EPHA3: variants seen among roughly 807,000 people sequenced by gnomAD.
The protein encoded by EPHA3 is EPH receptor A3, also known as ephrin type-A receptor 3.
Under a neutral mutation model 107.1 loss-of-function variants are expected in EPHA3, and 42 were observed. The ratio of observed to expected loss-of-function variants is 0.39; its 90% CI spans 0.31 to 0.51. EPHA3 has a LOEUF of 0.51. EPHA3 is among the 20% of genes least tolerant of loss of function. The pLI, the probability that EPHA3 is intolerant of heterozygous loss-of-function variation, is 0.78. For missense variants in EPHA3, 1,183 were observed against 1,211.2 expected, an observed-to-expected ratio of 0.98 and a Z score of 0.35; for synonymous variants, 461 against 424.8, an observed-to-expected ratio of 1.09 and a Z score of -1.05.
chr3:89,283,976 A>G (rs1706010877), intron 3 of EPHA3, among the ~76,000 whole-genome samples: 1 of 152,146 alleles, frequency 6.6e-6, no homozygotes. Flanking sequence ...ATACAGAGAC[A>G]TTTGTGCAGT....
At chr3:89,164,036 T>C (rs1196357282) in intron 2 of EPHA3, among the ~76,000 whole-genome samples, 1 of 152,144 alleles carries the variant, frequency 6.6e-6, no homozygotes, top group African/African-American at 2.4e-5. Flanking sequence ...TTCAAGGGAA[T>C]AGAAACATCT....
At chr3:89,197,838 G>T (rs1364878608) in intron 2 of EPHA3, among the ~76,000 whole-genome samples, 1 of 152,004 alleles carries the variant, frequency 6.6e-6, no homozygotes, top group East Asian at 1.9e-4. Context: ...TTAGCCTGGT[G>T]TGGTGGTGTG....
intron 1 of EPHA3, among the ~76,000 whole-genome samples, chr3:89,115,508 T>A (rs1707231501): frequency 1.3e-5 from 2 of 152,154 alleles, no homozygotes; most frequent in African/African-American, 4.8e-5. Flanking sequence ...GGGTGGATGA[T>A]CCTGATGTTT....
At chr3:89,333,053 C>T (rs1312812670) in intron 3 of EPHA3, among the ~76,000 whole-genome samples, 2 of 152,096 alleles carry the variant, frequency 1.3e-5, no homozygotes, top group African/African-American at 4.8e-5. Flanking sequence ...TTTACCCATT[C>T]CCTGTATCAG....
At chr3:89,467,167 A>G (rs1710297951) in intron 15 of EPHA3, among the ~76,000 whole-genome samples, 1 of 152,202 alleles carries the variant, frequency 6.6e-6, no homozygotes, top group East Asian at 1.9e-4. Context: ...ATTGGCAAAT[A>G]TAAGATTTTC....
intron 3 of EPHA3, among the ~76,000 whole-genome samples, chr3:89,314,038 A>G (rs1322590274): frequency 1.3e-5 from 2 of 151,948 alleles, no homozygotes; most frequent in Non-Finnish European, 2.9e-5. Context: ...AATGTTGTGT[A>G]ATACTTTTCA....
chr3:89,317,439 T>C (rs917023134), intron 3 of EPHA3, among the ~76,000 whole-genome samples: 1 of 151,654 alleles, frequency 6.6e-6, no homozygotes, highest in Non-Finnish European at 1.5e-5. Context: ...GAGAGGGATA[T>C]GTGTAAATAG....
chr3:89,472,630 A>AG lies in EPHA3; in HGVS notation c.2846+11_2846+12insG, dbSNP rs755281399. ...CAAGATTTCCACAGAGTAAGAAAAA[A>AG]AAATTCATTAAGAAGAATGAAGGAT... On this transcript the variant is annotated intron_variant, in intron 16 of 16. Transcript: ENST00000336596. The AG allele has an allele frequency of 6.2e-7, 1 of 1,601,478 alleles. No individual in the cohort carries two copies. Among genetic ancestry groups the AG allele is most frequent in the Non-Finnish European group, 8.5e-7 (1 of 1,175,100 alleles).
intron 5 of EPHA3, among the ~76,000 whole-genome samples, chr3:89,377,818 A>G (rs1576345417): frequency 1.3e-5 from 2 of 152,186 alleles, no homozygotes; most frequent in Admixed American, 6.5e-5. Flanking sequence ...TAATGCTTAT[A>G]TAATAGTTTC....
rs761291368 is a variant in EPHA3 at position 89,479,513 on chromosome 3, G to A, written c.*11G>A. On this transcript the variant is annotated 3_prime_UTR_variant, in exon 17 of 17. Coordinates refer to ENST00000336596, the MANE Select transcript of EPHA3 (RefSeq NM_005233.6). Reference sequence around the variant, plus strand: ...CCAGTTCCCGTGTAAAGCACGGGACGGAAGTGCTTCTGGACGGAAGTGGTG... The same window carrying A: ...CCAGTTCCCGTGTAAAGCACGGGACAGAAGTGCTTCTGGACGGAAGTGGTG... The A allele has an allele frequency of 6.3e-6, 10 of 1,599,108 alleles. No individual in the cohort carries two copies. Among genetic ancestry groups the A allele is most frequent in the African/African-American group, 4.0e-5 (3 of 74,578 alleles).
At chr3:89,413,314 G>A (rs77327554) in intron 10 of EPHA3, 48 bp downstream of exon 10, 130,223 of 1,606,460 alleles carry the variant, frequency 0.081, 5,621 homozygotes, top group Middle Eastern at 0.1. Context: ...TGTGAATCAC[G>A]ATTGCTCAGT....
rs76688760 is a variant in EPHA3 at position 89,171,367 on chromosome 3, C to T, written c.154-38493C>T. Among the ~76,000 whole-genome samples the T allele has an allele frequency of 4.5e-3, 682 of 152,166 alleles. 3 individuals carry two copies. The highest frequency in any genetic ancestry group is 0.016 in the African/African-American group (646 of 41,498). Reference sequence around the variant, plus strand: ...CTCAAATTGATTGAATATCACTAATCGGTTCTAAAGAAGGTGATACTGTCT... The same window carrying T: ...CTCAAATTGATTGAATATCACTAATTGGTTCTAAAGAAGGTGATACTGTCT... On this transcript the variant is annotated intron_variant, in intron 2 of 16. Transcript: ENST00000336596.
At chr3:89,302,976 T>C (rs1706526366) in intron 3 of EPHA3, among the ~76,000 whole-genome samples, 1 of 152,148 alleles carries the variant, frequency 6.6e-6, no homozygotes, top group South Asian at 2.1e-4. Flanking sequence ...CACAGCAACC[T>C]TGACGCCCTG....
chr3:89,408,168 C>T lies in EPHA3; in HGVS notation c.1762+37C>T, dbSNP rs1299907665. The T allele has an allele frequency of 5.7e-6, 9 of 1,592,222 alleles. No homozygotes were observed. The African/African-American group carries it at 8.1e-5, about 14-fold the overall frequency. On this transcript the variant is annotated intron_variant, in intron 9 of 16. Transcript: ENST00000336596. ...AACTTGGCTTTTTGTTTTGCTTCAC[C>T]GTTTTAGCTTTAGCAGTTATTGATT...
intron 3 of EPHA3, among the ~76,000 whole-genome samples, chr3:89,250,865 T>G (rs1705146287): frequency 6.6e-6 from 1 of 152,222 alleles, no homozygotes; most frequent in Admixed American, 6.5e-5. Flanking sequence ...TTATTTCCCC[T>G]TAATGAATGC....
chr3:89,126,355 G>T (rs1347085105), intron 1 of EPHA3, among the ~76,000 whole-genome samples: 2 of 151,572 alleles, frequency 1.3e-5, no homozygotes, highest in African/African-American at 2.4e-5. Context: ...GTTATTGATT[G>T]TATTTGAAAT....
At chr3:89,270,611 A>C (rs936853347) in intron 3 of EPHA3, among the ~76,000 whole-genome samples, 1 of 152,132 alleles carries the variant, frequency 6.6e-6, no homozygotes, top group Non-Finnish European at 1.5e-5. Context: ...TGATGTTCAT[A>C]AAACTTAAAC....
intron 1 of EPHA3, among the ~76,000 whole-genome samples, chr3:89,121,438 T>C (rs934169584): frequency 4.6e-5 from 7 of 152,000 alleles, no homozygotes; most frequent in African/African-American, 1.7e-4. Context: ...AATTTTTATC[T>C]GTGAAATAAA....
At chr3:89,142,605 C>T (rs1031246794) in intron 2 of EPHA3, among the ~76,000 whole-genome samples, 9 of 151,398 alleles carry the variant, frequency 5.9e-5, no homozygotes, top group African/African-American at 1.9e-4. Flanking sequence ...CTTATATTAA[C>T]GTGCTTTTAG....
Sources: gnomAD v4.1 joint callset for allele counts (sites outside exome capture counted in the v4.1 genomes callset) on GRCh38, gnomAD v4.1.1 for gene constraint, MANE v1.5 for transcripts, NCBI Gene and HGNC (gene_info 2026-07-23, HGNC 2026-07-21) for gene names.